The following PDE2A variants were observed in gnomAD, a reference collection of about 807,000 sequenced individuals.
PDE2A encodes the protein phosphodiesterase 2A.
A neutral mutation model predicts 133.6 loss-of-function variants in PDE2A; 53 were observed. The observed-to-expected ratio is 0.40, with a 90% CI of 0.32 to 0.50. The LOEUF is 0.50. PDE2A is among the 20% of genes least tolerant of loss of function. The probability of loss-of-function intolerance (pLI) is 0.73; values close to 1 mark genes in which losing one functional copy is unlikely to be tolerated. For synonymous variants in PDE2A, 491 were observed against 490.2 expected (o/e 1.00, Z -0.02); for missense variants, 796 against 1,232.4 (o/e 0.65, Z 5.30).
In PDE2A at chr11:72,593,703, CAA is replaced by C. The variant is rs544266468; in HGVS notation, c.490-2349_490-2348del. Among the ~76,000 whole-genome samples the C allele has an allele frequency of 1.1e-4, 17 of 152,266 alleles. No individual in the cohort carries two copies. The East Asian group carries it at 3.1e-3, about 28-fold the overall frequency. On this transcript the variant is annotated intron_variant, in intron 6 of 30. Transcript: ENST00000334456. ...GGAACAGAGCCAAAGACTTTCCACA[CAA>C]AAAATTTGCAATCAAGGTGCTTTGA...
chr11:72,596,268 G>A (rs766733964), intron 6 of PDE2A, among the ~76,000 whole-genome samples: 78 of 152,110 alleles, frequency 5.1e-4, no homozygotes, highest in Non-Finnish European at 5.7e-4. Flanking sequence ...CAAAGGCTGG[G>A]CCTTCTAACC....
intron 1 of PDE2A, chr11:72,657,942 T>C (rs3781916): frequency 2.2e-6 from 1 of 455,938 alleles, no homozygotes; most frequent in Admixed American, 2.4e-5. Flanking sequence ...GGGCAGGGCA[T>C]GTCCCTCCTG....
intron 2 of PDE2A, chr11:72,631,190 T>C: frequency 2.1e-6 from 3 of 1,433,056 alleles, no homozygotes; most frequent in Middle Eastern, 3.7e-4. Flanking sequence ...CTTCTCCCCT[T>C]CTCCCCAGAC....
intron 2 of PDE2A, among the ~76,000 whole-genome samples, chr11:72,632,833 G>A (rs989969870): frequency 2.9e-5 from 4 of 136,710 alleles, no homozygotes; most frequent in East Asian, 4.7e-4. Flanking sequence ...GGCACTGCCC[G>A]GAGGTGGAGG....
At chr11:72,579,211 G>T in intron 27 of PDE2A, 73 bp downstream of exon 27, 2 of 1,221,504 alleles carry the variant, frequency 1.6e-6, no homozygotes, top group Non-Finnish European at 2.4e-6. Context: ...TGCACCCTGG[G>T]AATGCTCCCC....
At chr11:72,598,913 T>G (rs564424315) in intron 4 of PDE2A, 1 of 985,266 alleles carries the variant, frequency 1.0e-6, no homozygotes, top group East Asian at 1.1e-4. Context: ...TGGGCTCCAG[T>G]TCCCGGCTGT....
intron 4 of PDE2A, among the ~76,000 whole-genome samples, chr11:72,601,546 G>T (rs1192692964): frequency 6.6e-6 from 1 of 152,118 alleles, no homozygotes; most frequent in Non-Finnish European, 1.5e-5. Flanking sequence ...CCCCAAAATG[G>T]TAGCAGAGGG....
At chr11:72,599,006 T>G (rs773662931) in intron 4 of PDE2A, 82 of 985,264 alleles carry the variant, frequency 8.3e-5, no homozygotes, top group Middle Eastern at 5.2e-4. Context: ...ATGATTAAAC[T>G]GATGAAGGCT....
intron 1 of PDE2A, chr11:72,658,230 T>TC (rs1388543639): frequency 4.8e-6 from 2 of 417,000 alleles, no homozygotes; most frequent in African/African-American, 2.0e-5. Context: ...GGTTCTGGTC[T>TC]CCCCCATCAG....
intron 2 of PDE2A, among the ~76,000 whole-genome samples, chr11:72,641,038 G>C (rs1591119794): frequency 6.6e-6 from 1 of 152,098 alleles, no homozygotes. Context: ...CCCAGCCCGT[G>C]CTACACACAG....
chr11:72,627,539 G>T (rs965366526), intron 2 of PDE2A, among the ~76,000 whole-genome samples: 3 of 152,226 alleles, frequency 2.0e-5, no homozygotes, highest in African/African-American at 4.8e-5. Context: ...GCTGCTGTGT[G>T]CTGGGAGTGA....
intron 1 of PDE2A, among the ~76,000 whole-genome samples, chr11:72,673,427 C>A (rs1486504510): frequency 8.6e-6 from 1 of 116,390 alleles, no homozygotes; most frequent in Non-Finnish European, 1.9e-5. Flanking sequence ...ACATACCCTG[C>A]CTACCACCTC....
intron 2 of PDE2A, among the ~76,000 whole-genome samples, chr11:72,641,079 T>C (rs1429666346): frequency 1.3e-5 from 2 of 152,116 alleles, no homozygotes; most frequent in Non-Finnish European, 2.9e-5. Context: ...ACATACACTA[T>C]AGACCCACCC....
intron 2 of PDE2A, among the ~76,000 whole-genome samples, chr11:72,637,141 T>C (rs1858735977): frequency 7.3e-6 from 1 of 137,348 alleles, no homozygotes; most frequent in Non-Finnish European, 1.5e-5. Context: ...TCAGATTTGT[T>C]TCCTCCTGGA....
At position 72,597,770 on chromosome 11, in the gene PDE2A, TA is replaced by T; in HGVS notation, c.324-152del. 1 of 594,238 alleles carries T rather than the reference TA, an allele frequency of 1.7e-6. No homozygotes were observed. The highest frequency in any genetic ancestry group is 2.9e-4 in the Middle Eastern group (1 of 3,504). 36.8% of individuals were successfully genotyped at this position (594,238 alleles called of 1,614,324 possible). A position where few individuals can be genotyped will look rare whatever the true frequency, so the allele number is the denominator to read the frequency against. On this transcript the variant is annotated intron_variant, in intron 4 of 30. Coordinates refer to ENST00000334456, the MANE Select transcript of PDE2A (RefSeq NM_002599.5). This position sits in a 1 kb window ranked among gnomAD's most constrained non-coding sequence, Gnocchi z 4.6. ...AGGTTGGACACGATGACAGCACAAG[TA>T]AAAAAGTAGGGGACCCTGGACCCTA... is the stretch of plus-strand genomic sequence containing the variant.
intron 1 of PDE2A, among the ~76,000 whole-genome samples, chr11:72,662,671 T>C (rs1855101706): frequency 1.3e-5 from 2 of 152,136 alleles, no homozygotes. Context: ...GGGCAGACAC[T>C]GAGGAACTAG....
intron 2 of PDE2A, among the ~76,000 whole-genome samples, chr11:72,625,897 G>A (rs1185112380): frequency 1.3e-5 from 2 of 152,186 alleles, no homozygotes; most frequent in Non-Finnish European, 2.9e-5. Context: ...AATATTTCCC[G>A]GGAAACGGAA....
rs1205385673 is a variant in PDE2A at position 72,582,472 on chromosome 11, C to T, written c.1823G>A (p.Arg608His). 6.2e-7 allele frequency: 1 copy of T among 1,613,908 alleles called. No individual in the cohort carries two copies. ...GGACGTGTCATCCTCGGGCAGGGAA[C>T]GAGGGGTATAGGTGAAACTTGCAAA... ...SNFASFTYTP[R>H]SLPEDDTSMA... The change falls in exon 21 of 31, where the codon CGT becomes CAT. Residue 608 changes from arginine to histidine, a missense_variant. Around this residue, in one of 7 missense-constraint regions of PDE2A, gnomAD observed 218 missense variants for 465.9 expected, o/e 0.47. Transcript: ENST00000334456.
chr11:72,629,857 T>A (rs1485945717), intron 2 of PDE2A, among the ~76,000 whole-genome samples: 15 of 152,130 alleles, frequency 9.9e-5, no homozygotes, highest in Non-Finnish European at 1.8e-4. Context: ...CCCTACCTCA[T>A]GGGGGTGCTG....
Sources: gnomAD v4.1 joint callset for allele counts (sites outside exome capture counted in the v4.1 genomes callset) on GRCh38, gnomAD v4.1.1 for gene constraint, gnomAD v4.1.1 regional missense constraint, Gnocchi (gnomAD v3.1) non-coding constraint, MANE v1.5 for transcripts, NCBI Gene and HGNC (gene_info 2026-07-23, HGNC 2026-07-21) for gene names.